ANKRD24: variants seen among roughly 807,000 people sequenced by gnomAD.
The protein encoded by ANKRD24 is ankyrin repeat domain-containing protein 24.
Under a neutral mutation model 127.8 loss-of-function variants are expected in ANKRD24, and 109 were observed. That is an observed-to-expected ratio of 0.85 (90% CI 0.73 to 1.00). The LOEUF is 1.00. ANKRD24 is among the 50% of genes least tolerant of loss of function. The probability of loss-of-function intolerance (pLI) is 0.00; values close to 1 mark genes in which losing one functional copy is unlikely to be tolerated. For missense variants in ANKRD24, 1,648 were observed against 1,570.2 expected, an observed-to-expected ratio of 1.05 and a Z score of -0.84; for synonymous variants, 743 against 671.1, an observed-to-expected ratio of 1.11 and a Z score of -1.66.
At chr19:4,208,514 C>G (rs948815616) in intron 10 of ANKRD24, among the ~76,000 whole-genome samples, 4 of 152,048 alleles carry the variant, frequency 2.6e-5, no homozygotes, top group Admixed American at 6.5e-5. Context: ...AACTCCTGAA[C>G]TCAGGTGATT....
rs1968880723 is a variant in ANKRD24 at position 4,198,347 on chromosome 19, G to A, written c.37-1336G>A. On this transcript the variant is annotated intron_variant, in intron 2 of 21. Coordinates refer to ENST00000318934, the MANE Select transcript of ANKRD24 (RefSeq NM_001393985.1). This position sits in a 1 kb window ranked among gnomAD's most constrained non-coding sequence, Gnocchi z 6.1. Reference sequence around the variant, plus strand: ...AGGGGGAGGGGGCGGCACCAGGGAGGGCGGGACCGGGCGGGCGGGCGGGGC... The same window carrying A: ...AGGGGGAGGGGGCGGCACCAGGGAGAGCGGGACCGGGCGGGCGGGCGGGGC... The A allele has an allele frequency of 4.9e-6, 2 of 410,678 alleles. No individual in the cohort carries two copies. Among genetic ancestry groups the A allele is most frequent in the Non-Finnish European group, 8.6e-6 (2 of 233,854 alleles). 25.4% of individuals were successfully genotyped at this position (410,678 alleles called of 1,614,324 possible). A position where few individuals can be genotyped will look rare whatever the true frequency, so the allele number is the denominator to read the frequency against.
chr19:4,192,094 C>T (rs950259002), intron 2 of ANKRD24, among the ~76,000 whole-genome samples: 4 of 150,138 alleles, frequency 2.7e-5, no homozygotes, highest in Non-Finnish European at 4.5e-5. Context: ...CAACCAACAC[C>T]GTTTCTTTCT....
At chr19:4,218,748 C>T (rs1399877201) in intron 18 of ANKRD24, among the ~76,000 whole-genome samples, 7 of 142,744 alleles carry the variant, frequency 4.9e-5, no homozygotes, top group East Asian at 2.2e-4. Context: ...CCCTTCCCTT[C>T]CTTTCTTTTT....
chr19:4,222,751 G>A lies in ANKRD24; in HGVS notation c.3253G>A (p.Glu1085Lys). ...GGCCGCCCTCGCCACCCCTGAGGTG[G>A]AGGCTCTCCGTGACCAGGTGAAGGA... ...QPAALATPEV[E>K]ALRDQVKDLQ... Residue 1085 changes from glutamate (E) to lysine (K), a missense_variant, in exon 20 of 22, where the codon GAG becomes AAG. By Grantham distance (56) the Glu-to-Lys change is moderately conservative. Coordinates refer to ENST00000318934, the MANE Select transcript of ANKRD24 (RefSeq NM_001393985.1). 6 of 1,611,724 alleles carry A rather than the reference G, an allele frequency of 3.7e-6. No homozygotes were observed. The highest frequency in any genetic ancestry group is 5.1e-6 in the Non-Finnish European group (6 of 1,178,540).
At chr19:4,221,821 G>A (rs1436520149) in intron 19 of ANKRD24, among the ~76,000 whole-genome samples, 1 of 152,174 alleles carries the variant, frequency 6.6e-6, no homozygotes, top group Non-Finnish European at 1.5e-5. Flanking sequence ...GGACATAGGA[G>A]CGGGATCATT....
chr19:4,191,365 C>T (rs1283465680), intron 2 of ANKRD24, among the ~76,000 whole-genome samples: 2 of 152,242 alleles, frequency 1.3e-5, no homozygotes, highest in African/African-American at 4.8e-5. Flanking sequence ...CTTCTAGCCA[C>T]TGCTACCCCT....
chr19:4,216,744 G>A lies in ANKRD24; in HGVS notation c.1584G>A (p.Glu528=). The A allele has an allele frequency of 5.1e-6, 8 of 1,579,948 alleles. No individual in the cohort carries two copies. The highest frequency in any genetic ancestry group is 1.2e-5 in the South Asian group (1 of 86,794). ...VPREEGAACG[E]SEVAGATATK... is the part of the protein sequence containing the mutation. ...GAGAAGAGGGGGCAGCCTGTGGGGA[G>A]AGTGAGGTTGCTGGAGCCACGGCCA... Residue 528 remains glutamate, a synonymous_variant, in exon 18 of 22, where the codon GAG becomes GAA. Coordinates refer to ENST00000318934, the MANE Select transcript of ANKRD24 (RefSeq NM_001393985.1).
intron 2 of ANKRD24, 40 bp downstream of exon 2, chr19:4,186,501 C>T (rs1968071959): frequency 6.4e-7 from 1 of 1,572,366 alleles, no homozygotes; most frequent in African/African-American, 1.4e-5. Flanking sequence ...ACCCCTGCAA[C>T]TTCAGCCTTC....
intron 19 of ANKRD24, among the ~76,000 whole-genome samples, chr19:4,222,332 T>C (rs1970487186): frequency 6.6e-6 from 1 of 152,130 alleles, no homozygotes; most frequent in Non-Finnish European, 1.5e-5. Flanking sequence ...GAAGTTGTAG[T>C]GAGCTGAGAT....
At position 4,217,576 on chromosome 19, in the gene ANKRD24, C is replaced by T. The variant is rs1433233714; in HGVS notation, c.2416C>T (p.Arg806Trp). Residue 806 changes from arginine (R) to tryptophan (W), a missense_variant, in exon 18 of 22, where the codon CGG becomes TGG. Transcript: ENST00000318934. Reference protein sequence around the residue: ...EDLRDRDSRLRELEAASACLD... With the variant: ...EDLRDRDSRLWELEAASACLD... ...CCTCCGAGACCGGGACTCCCGCCTG[C>T]GGGAGCTGGAGGCGGCCTCGGCCTG... The T allele has an allele frequency of 1.5e-6, 2 of 1,307,230 alleles. No homozygotes were observed. The highest frequency in any genetic ancestry group is 1.9e-6 in the Non-Finnish European group (2 of 1,032,254). The allele number at this position is 1,307,230 out of a possible 1,614,324, so 81.0% of individuals were successfully genotyped here.
rs1014783592 is a variant in ANKRD24, at chr19:4,217,351, G to A, written c.2191G>A (p.Gly731Ser). Reference protein sequence around the residue: ...LQVELETRIRGLEEALRQRER... With the variant: ...LQVELETRIRSLEEALRQRER... ...AGTAGAGCTGGAGACCAGGATCCGT[G>A]GCTTGGAGGAGGCTCTCCGGCAGCG... Residue 731 changes from glycine to serine, a missense_variant, in exon 18 of 22, where the codon GGC (glycine) becomes AGC (serine). By Grantham distance (56) the Gly-to-Ser change is moderately conservative. Coordinates refer to ENST00000318934, the MANE Select transcript of ANKRD24 (RefSeq NM_001393985.1). The A allele has an allele frequency of 1.3e-6, 2 of 1,551,452 alleles. No homozygotes were observed. The highest frequency in any genetic ancestry group is 1.4e-5 in the African/African-American group (1 of 73,178).
At position 4,217,663 on chromosome 19, in the gene ANKRD24, G is replaced by GAGCTGGCCC; in HGVS notation, c.2507_2515dup (p.Leu836_Gln838dup). On this transcript the variant is annotated inframe_insertion, in exon 18 of 22. Transcript: ENST00000318934. ...GGAGGAGGCGCGGGGCCTGCGGGCC[G>GAGCTGGCCC]AGCTGGCCCAGCGGGAGGAGGCGCG... The GAGCTGGCCC allele has an allele frequency of 7.8e-7, 1 of 1,284,576 alleles. No individual in the cohort carries two copies. Among genetic ancestry groups the GAGCTGGCCC allele is most frequent in the Non-Finnish European group, 9.8e-7 (1 of 1,019,502 alleles). The allele number at this position is 1,284,576 out of a possible 1,614,324, so 79.6% of individuals were successfully genotyped here. A position where few individuals can be genotyped will look rare whatever the true frequency, so the allele number is the denominator to read the frequency against.
At chr19:4,201,974 T>A in intron 5 of ANKRD24, 52 bp from the exon 6 acceptor site, 1 of 1,518,248 alleles carries the variant, frequency 6.6e-7, no homozygotes, top group South Asian at 1.1e-5. Flanking sequence ...GGGGAGCAGC[T>A]GGGAGCTACT....
At chr19:4,210,202 G>A (rs1333624240) in intron 12 of ANKRD24, 63 bp from the exon 13 acceptor site, 2 of 1,564,104 alleles carry the variant, frequency 1.3e-6, no homozygotes, top group African/African-American at 2.7e-5. Flanking sequence ...AGGGGCTCTG[G>A]CTGAGACCTG....
chr19:4,204,045 G>A (rs1293220860), intron 7 of ANKRD24, among the ~76,000 whole-genome samples: 1 of 135,000 alleles, frequency 7.4e-6, no homozygotes, highest in Non-Finnish European at 1.5e-5. Flanking sequence ...CTCACTGCAA[G>A]CTCCGCCTCC....
chr19:4,202,969 G>T, intron 7 of ANKRD24, 43 bp downstream of exon 7: 1 of 1,504,124 alleles, frequency 6.6e-7, no homozygotes, highest in Non-Finnish European at 8.9e-7. Flanking sequence ...AGCCCAGAGG[G>T]TGCTAGACTT....
At chr19:4,189,556 G>GT (rs35456385) in intron 2 of ANKRD24, among the ~76,000 whole-genome samples, 43,970 of 146,610 alleles carry the variant, frequency 0.3, 6,786 homozygotes, top group South Asian at 0.44. Flanking sequence ...CCGGCCCTAA[G>GT]TTTTTTTTTT....
At chr19:4,188,270 C>T (rs1968179572) in intron 2 of ANKRD24, among the ~76,000 whole-genome samples, 1 of 151,556 alleles carries the variant, frequency 6.6e-6, no homozygotes, top group Non-Finnish European at 1.5e-5. Flanking sequence ...AGAGGCAGGA[C>T]TTCACCATGT....
chr19:4,202,982 G>A, intron 7 of ANKRD24, 56 bp downstream of exon 7: 1 of 1,456,430 alleles, frequency 6.9e-7, no homozygotes. Flanking sequence ...CTAGACTTGG[G>A]GGTTATTCTG....
Sources: gnomAD v4.1 joint callset for allele counts (sites outside exome capture counted in the v4.1 genomes callset) on GRCh38, gnomAD v4.1.1 for gene constraint, Gnocchi (gnomAD v3.1) non-coding constraint, MANE v1.5 for transcripts, NCBI Gene and HGNC (gene_info 2026-07-23, HGNC 2026-07-21) for gene names.